Variants in NEDD9 observed in about 807,000 individuals in gnomAD.
NEDD9 encodes the protein neural precursor cell expressed, developmentally down-regulated 9, also known as enhancer of filamentation 1.
NEDD9 carries 26 observed loss-of-function variants against 76.6 expected under a neutral mutation model. That is an observed-to-expected ratio of 0.34 (90% CI 0.25 to 0.47). The LOEUF (loss-of-function observed/expected upper bound fraction) is 0.47. NEDD9 is among the 20% of genes least tolerant of loss of function. The pLI is 1.00. For synonymous variants in NEDD9, 392 were observed against 414.2 expected (o/e 0.95, Z 0.65); for missense variants, 937 against 1,058.5 (o/e 0.89, Z 1.59).
intron 2 of NEDD9, chr6:11,200,636 A>G: frequency 1.8e-6 from 2 of 1,132,286 alleles, no homozygotes; most frequent in Non-Finnish European, 2.2e-6. Context: ...CCTAAATTTA[A>G]GTCAGATAGA....
At chr6:11,327,928 G>A (rs1476485024) in intron 2 of NEDD9, among the ~76,000 whole-genome samples, 3 of 152,244 alleles carry the variant, frequency 2.0e-5, no homozygotes, top group Admixed American at 6.5e-5. Context: ...CTGTGCAACA[G>A]CTATCTCTTT....
intron 1 of NEDD9, among the ~76,000 whole-genome samples, chr6:11,220,805 G>T (rs1759117686): frequency 6.6e-6 from 1 of 152,144 alleles, no homozygotes; most frequent in Non-Finnish European, 1.5e-5. Context: ...CAAAAGCTGG[G>T]TTCCTCTCCT....
At chr6:11,253,905 A>AT (rs911650563) in intron 3 of NEDD9, among the ~76,000 whole-genome samples, 11 of 151,516 alleles carry the variant, frequency 7.3e-5, no homozygotes, top group African/African-American at 2.2e-4. Context: ...TTGTACTGGT[A>AT]TTTTTTTTTA....
chr6:11,326,025 AATCCCAG>A (rs1761919093), intron 2 of NEDD9, among the ~76,000 whole-genome samples: 1 of 152,144 alleles, frequency 6.6e-6, no homozygotes, highest in African/African-American at 2.4e-5. Context: ...ACATGCCTGT[AATCCCAG>A]ATACTTGGGA....
Position 11,198,401 on chromosome 6 carries a change from A to G in NEDD9, c.460-4709T>C, listed in dbSNP as rs973372255. On this transcript the variant is annotated intron_variant, in intron 2 of 6. Transcript: ENST00000379446. The surrounding 1 kb of genome is among the most constrained non-coding windows in gnomAD (Gnocchi z 4.7). ...TTCCACAGATGCCCTGCACGCCCAT[A>G]CCTCTGTGCCTTCATCCATGCCATG... The G allele has an allele frequency of 6.6e-6, 1 of 151,864 alleles. No homozygotes were observed. The highest frequency in any genetic ancestry group is 1.5e-5 in the Non-Finnish European group (1 of 68,010). The allele number at this position is 151,864 out of a possible 1,614,324, so 9.4% of individuals were successfully genotyped here. A position where few individuals can be genotyped will look rare whatever the true frequency, so the allele number is the denominator to read the frequency against.
chr6:11,236,042 T>A (rs1759592418), upstream of NEDD9, among the ~76,000 whole-genome samples: 1 of 152,204 alleles, frequency 6.6e-6, no homozygotes, highest in Non-Finnish European at 1.5e-5. This position sits in a 1 kb window ranked among gnomAD's most constrained non-coding sequence, Gnocchi z 5.5. Context: ...TTTATTAGTG[T>A]CATTTAGTAT....
intron 1 of NEDD9, among the ~76,000 whole-genome samples, chr6:11,344,049 G>T (rs1371895513): frequency 6.6e-6 from 1 of 152,174 alleles, no homozygotes; most frequent in Non-Finnish European, 1.5e-5. Context: ...AAGAGACAGG[G>T]TGAGTAGGCT....
intron 3 of NEDD9, among the ~76,000 whole-genome samples, chr6:11,247,430 T>G (rs1759833302): frequency 6.6e-6 from 1 of 152,250 alleles, no homozygotes; most frequent in Non-Finnish European, 1.5e-5. Flanking sequence ...GATAGAAATT[T>G]GTTTTTATTG....
chr6:11,376,035 A>G (rs979840509), intron 1 of NEDD9, among the ~76,000 whole-genome samples: 1 of 152,188 alleles, frequency 6.6e-6, no homozygotes. Flanking sequence ...TGTGTTAGCC[A>G]GGGTGGTCTC....
intron 2 of NEDD9, among the ~76,000 whole-genome samples, chr6:11,197,383 C>T (rs78841404): frequency 2.8e-4 from 42 of 152,074 alleles, no homozygotes; most frequent in African/African-American, 9.4e-4. Context: ...TGTGAGGTCT[C>T]CTGGGGCTCT....
chr6:11,304,795 G>A lies in NEDD9; in HGVS notation c.12+1197C>T, dbSNP rs556568022. Among the ~76,000 whole-genome samples, 175 of 152,286 alleles carry A rather than the reference G, an allele frequency of 1.1e-3. 1 individual carries two copies. Among genetic ancestry groups the A allele is most frequent in the Non-Finnish European group, 1.8e-3 (124 of 68,032 alleles). On this transcript the variant is annotated intron_variant, in intron 3 of 3. Transcript: ENST00000397378. ...CACAGGGTGGGGAACCTCACACACCGGGGCCTGTCAGTGGGTGGGGGCCTG... is the reference window on the plus strand; with the variant it reads ...CACAGGGTGGGGAACCTCACACACCAGGGCCTGTCAGTGGGTGGGGGCCTG...
chr6:11,226,256 T>G (rs1759305178), intron 1 of NEDD9, among the ~76,000 whole-genome samples: 2 of 151,324 alleles, frequency 1.3e-5, no homozygotes, highest in East Asian at 1.9e-4. Context: ...ATAAACAGGG[T>G]TTTTTTTTGT....
chr6:11,350,742 G>A (rs1167417219), intron 1 of NEDD9, among the ~76,000 whole-genome samples: 1 of 152,170 alleles, frequency 6.6e-6, no homozygotes, highest in South Asian at 2.1e-4. Context: ...CTAAGACACT[G>A]AACAAGGCCC....
At position 11,192,357 on chromosome 6, in the gene NEDD9, C is replaced by T. The variant is rs76565582; in HGVS notation, c.651G>A (p.Pro217=). ...GTCACTCACTCACCCCTTTTGTAGG[C>T]GGGATGTCATACACCCCTTGAGGTT... is the stretch of plus-strand genomic sequence containing the variant. ...EIKPQGVYDI[P]PTKGVYAIPP... is the part of the protein sequence containing the mutation. The change falls in exon 4 of 7, where the codon CCG becomes CCA. Residue 217 remains proline (P), a synonymous_variant. Coordinates refer to ENST00000379446, the MANE Select transcript of NEDD9 (RefSeq NM_006403.4). The T allele has an allele frequency of 2.5e-5, 36 of 1,432,320 alleles. No homozygotes were observed. The East Asian group carries it at 6.9e-4, about 28-fold the overall frequency. The allele number at this position is 1,432,320 out of a possible 1,614,324, so 88.7% of individuals were successfully genotyped here. A position where few individuals can be genotyped will look rare whatever the true frequency, so the allele number is the denominator to read the frequency against.
intron 2 of NEDD9, among the ~76,000 whole-genome samples, chr6:11,210,766 G>GGAGAGAGGGAGAGAGA (rs1758762910): frequency 8.2e-6 from 1 of 121,854 alleles, no homozygotes; most frequent in African/African-American, 3.3e-5. Flanking sequence ...AGGGATGGGG[G>GGAGAGAGGGAGAGAGA]GAGAGAGAGA....
chr6:11,308,361 C>CTTTTTT lies in NEDD9; in HGVS notation c.-152-2212_-152-2207dup, dbSNP rs933892327. 2.0e-3 allele frequency among the ~76,000 whole-genome samples: 174 copies of CTTTTTT among 87,864 alleles called. 6 individuals carry two copies. Among genetic ancestry groups the CTTTTTT allele is most frequent in the Non-Finnish European group, 3.2e-3 (151 of 46,926 alleles). 57.6% of individuals were successfully genotyped at this position (87,864 alleles called of 152,430 possible). ...TTGTCCAAGTAGGAGGATGGGACAT[C>CTTTTTT]TTTTTTTTTTTTTTTTTTTTTTTTT... On this transcript the variant is annotated intron_variant, in intron 2 of 3. Coordinates refer to the NEDD9 transcript ENST00000397378.
chr6:11,293,995 T>A (rs1035833150), intron 3 of NEDD9, among the ~76,000 whole-genome samples: 15 of 136,170 alleles, frequency 1.1e-4, no homozygotes, highest in African/African-American at 4.2e-4. Context: ...TGAATAGAAT[T>A]CCATTGTGTA....
intron 5 of NEDD9, among the ~76,000 whole-genome samples, chr6:11,188,569 T>G (rs921129897): frequency 2.6e-5 from 4 of 151,044 alleles, no homozygotes; most frequent in African/African-American, 9.7e-5. Context: ...ATATATAATG[T>G]TCTTTTTATA....
intron 3 of NEDD9, among the ~76,000 whole-genome samples, chr6:11,244,940 C>T (rs953302955): frequency 2.0e-5 from 3 of 152,316 alleles, no homozygotes; most frequent in South Asian, 4.1e-4. Context: ...TCCTGACTAA[C>T]CTAGTATAAG....
Sources: allele counts gnomAD v4.1 joint callset (sites outside exome capture counted in the v4.1 genomes callset), GRCh38; gene constraint gnomAD v4.1.1; non-coding constraint Gnocchi (gnomAD v3.1); transcripts MANE v1.5; gene names NCBI Gene and HGNC (gene_info 2026-07-23, HGNC 2026-07-21).